DBT: variants seen among roughly 807,000 people sequenced by gnomAD.
DBT encodes the protein lipoamide acyltransferase component of branched-chain alpha-keto acid dehydrogenase complex, mitochondrial.
In DBT, 40 loss-of-function variants were observed where a neutral mutation model predicts 51.3. The ratio of observed to expected loss-of-function variants is 0.78; its 90% confidence interval spans 0.61 to 1.02. The LOEUF (loss-of-function observed/expected upper bound fraction) is 1.02. DBT is among the 50% of genes least tolerant of loss of function. The pLI, the probability that DBT is intolerant of heterozygous loss-of-function variation, is 0.00. For missense variants in DBT, 510 were observed against 580.2 expected (o/e 0.88, Z 1.24); for synonymous variants, 181 against 190.4 (o/e 0.95, Z 0.41).
At chr1:100,207,157 G>A (rs567748641) in intron 8 of DBT, among the ~76,000 whole-genome samples, 27 of 152,240 alleles carry the variant, frequency 1.8e-4, no homozygotes, top group African/African-American at 6.3e-4. Flanking sequence ...AATGTAACTG[G>A]TACAGGTTGA....
Position 100,235,471 on chromosome 1 carries a change from A to C in DBT, c.216T>G (p.Ile72Met), listed in dbSNP as rs778350040. 7 of 1,596,466 alleles carry C rather than the reference A, an allele frequency of 4.4e-6. No homozygotes were observed. Among genetic ancestry groups the C allele is most frequent in the Non-Finnish European group, 6.0e-6 (7 of 1,165,344 alleles). ...CAGTTACTTCTCTAATCCCTTCTCCAATGTCTGAGAGCTTGAACTGAACAA... is the reference window on the plus strand; with the variant it reads ...CAGTTACTTCTCTAATCCCTTCTCCCATGTCTGAGAGCTTGAACTGAACAA... The part of the protein sequence containing the change: ...GQVVQFKLSD[I>M]GEGIREVTVK... The change falls in exon 3 of 11, where the codon ATT (isoleucine) becomes ATG (methionine). Residue 72 changes from isoleucine to methionine, a missense_variant. By Grantham distance (10) the Ile-to-Met change is conservative. Transcript: ENST00000370132.
Position 100,206,527 on chromosome 1 carries a change from C to T in DBT, c.1127G>A (p.Arg376His), listed in dbSNP as rs150934375. The T allele has an allele frequency of 1.7e-5, 27 of 1,612,638 alleles. No homozygotes were observed. Among genetic ancestry groups the T allele is most frequent in the African/African-American group, 1.2e-4 (9 of 74,902 alleles). Residue 376 changes from arginine (R) to histidine (H), a missense_variant, in exon 9 of 11, where the codon CGC becomes CAC. Arg to His is a conservative substitution (Grantham distance 29). Transcript: ENST00000370132. Reference protein sequence around the residue: ...SIFDIATELNRLQKLGSVSQL... With the variant: ...SIFDIATELNHLQKLGSVSQL... ...ACTCACAGAGCCCAATTTCTGGAGG[C>T]GGTTCAGTTCAGTGGCGATGTCAAA...
At chr1:100,206,362 G>C in intron 9 of DBT, 61 bp from the exon 10 acceptor site, 3 of 1,559,586 alleles carry the variant, frequency 1.9e-6, no homozygotes, top group Non-Finnish European at 2.6e-6. Context: ...GGGAACAAAT[G>C]CCAAGTGACT....
At chr1:100,202,189 C>T (rs1346330638) in intron 10 of DBT, among the ~76,000 whole-genome samples, 1 of 151,236 alleles carries the variant, frequency 6.6e-6, no homozygotes, top group Non-Finnish European at 1.5e-5. Flanking sequence ...CACATAGGCT[C>T]AAAATACAGG....
chr1:100,193,895 C>T lies in DBT; in HGVS notation c.*2360G>A, dbSNP rs1450736160. ...GGATTACAGGCGTGAGCCACCACACCCAGCCTATGCAGCCATTTAAAGCAT... is the reference window on the plus strand; with the variant it reads ...GGATTACAGGCGTGAGCCACCACACTCAGCCTATGCAGCCATTTAAAGCAT... On this transcript the variant is annotated 3_prime_UTR_variant, in exon 11 of 11. Coordinates refer to ENST00000370132, the MANE Select transcript of DBT (RefSeq NM_001918.5). The T allele has an allele frequency of 2.6e-5, 4 of 152,150 alleles. No individual in the cohort carries two copies. The highest frequency in any genetic ancestry group is 5.9e-5 in the Non-Finnish European group (4 of 68,034). 9.4% of individuals were successfully genotyped at this position (152,150 alleles called of 1,614,324 possible).
intron 4 of DBT, among the ~76,000 whole-genome samples, chr1:100,229,917 C>A (rs763987985): frequency 4.6e-5 from 7 of 152,248 alleles, no homozygotes; most frequent in Non-Finnish European, 8.8e-5. Flanking sequence ...ACATCTATCA[C>A]TTGTAAGTCC....
rs545981514 is a variant in DBT, at chr1:100,249,656, T to C, written c.51+114A>G. Reference sequence around the variant, plus strand: ...TATTTTGCATGCATCCCTTCACCTCTCCATCACGCGTGCCCTGGACGCCTG... The same window carrying C: ...TATTTTGCATGCATCCCTTCACCTCCCCATCACGCGTGCCCTGGACGCCTG... On this transcript the variant is annotated intron_variant, in intron 1 of 10. Coordinates refer to ENST00000370132, the MANE Select transcript of DBT (RefSeq NM_001918.5). The C allele has an allele frequency of 1.5e-3, 1,553 of 1,006,798 alleles. 34 individuals carry two copies. The South Asian group carries it at 0.019, about 12-fold the overall frequency. The allele number at this position is 1,006,798 out of a possible 1,614,324, so 62.4% of individuals were successfully genotyped here.
chr1:100,230,581 A>T, intron 4 of DBT, 152 bp downstream of exon 4: 1 of 560,146 alleles, frequency 1.8e-6, no homozygotes, highest in South Asian at 2.5e-5. Flanking sequence ...ACCTTTTTTC[A>T]CGTTGAAAAG....
intron 3 of DBT, among the ~76,000 whole-genome samples, chr1:100,233,109 T>C (rs1374385460): frequency 6.6e-6 from 1 of 152,014 alleles, no homozygotes; most frequent in African/African-American, 2.4e-5. Flanking sequence ...GAAAAAGATA[T>C]GTCACACAAG....
At position 100,240,853 on chromosome 1, in the gene DBT, T is replaced by C; in HGVS notation, c.83A>G (p.Asn28Ser). 1.2e-6 allele frequency: 2 copies of C among 1,612,794 alleles called. No individual in the cohort carries two copies. Among genetic ancestry groups the C allele is most frequent in the Middle Eastern group, 1.7e-4 (1 of 6,038 alleles). ...ATAATTTGGCTTCAAAACATGAACATTACCACATGTTTGAAAATAGCGAAC... is the reference window on the plus strand; with the variant it reads ...ATAATTTGGCTTCAAAACATGAACACTACCACATGTTTGAAAATAGCGAAC... ...ICVRYFQTCGNVHVLKPNYVC... is the reference protein window; with the variant it reads ...ICVRYFQTCGSVHVLKPNYVC... The change falls in exon 2 of 11, where the codon AAT becomes AGT. Residue 28 changes from asparagine (N) to serine (S), a missense_variant. Physicochemically the swap from Asn to Ser is conservative, Grantham distance 46 (BLOSUM62 1). Coordinates refer to ENST00000370132, the MANE Select transcript of DBT (RefSeq NM_001918.5).
intron 4 of DBT, among the ~76,000 whole-genome samples, chr1:100,220,715 T>C (rs1244047823): frequency 6.6e-6 from 1 of 152,232 alleles, no homozygotes; most frequent in African/African-American, 2.4e-5. Context: ...ACTGAACAGA[T>C]TGGCTCAAGG....
rs549800969 is a variant in DBT at position 100,230,229 on chromosome 1, A to AT, written c.433+503dup. ...AGGTAAATGAAGTGTTACTGTACAC[A>AT]TTTTTAACATGGCAACTGGCCAAAA... On this transcript the variant is annotated intron_variant, in intron 4 of 10. Coordinates refer to ENST00000370132, the MANE Select transcript of DBT (RefSeq NM_001918.5). Among the ~76,000 whole-genome samples, 284 of 152,300 alleles carry AT rather than the reference A, an allele frequency of 1.9e-3. 1 individual carries two copies. The highest frequency in any genetic ancestry group is 6.8e-3 in the Middle Eastern group (2 of 294).
chr1:100,195,012 T>G lies in DBT; in HGVS notation c.*1243A>C, dbSNP rs1661010200. 6.6e-6 allele frequency: 1 copy of G among 152,250 alleles called. No homozygotes were observed. The highest frequency in any genetic ancestry group is 6.5e-5 in the Admixed American group (1 of 15,278). 9.4% of individuals were successfully genotyped at this position (152,250 alleles called of 1,614,324 possible). A position where few individuals can be genotyped will look rare whatever the true frequency, so the allele number is the denominator to read the frequency against. Reference sequence around the variant, plus strand: ...TAGACCTTTAACAAAATGATCATTATGAAACCTTCATTTCTATACAAAATT... The same window carrying G: ...TAGACCTTTAACAAAATGATCATTAGGAAACCTTCATTTCTATACAAAATT... On this transcript the variant is annotated 3_prime_UTR_variant, in exon 11 of 11. Coordinates refer to ENST00000370132, the MANE Select transcript of DBT (RefSeq NM_001918.5).
intron 4 of DBT, among the ~76,000 whole-genome samples, chr1:100,222,879 CCA>C (rs1051056642): frequency 6.6e-6 from 1 of 152,044 alleles, no homozygotes; most frequent in African/African-American, 2.4e-5. Flanking sequence ...AAAATAGGTG[CCA>C]CACAGCCTCA....
At chr1:100,249,340 A>G (rs1664772576) in intron 1 of DBT, 1 of 264,108 alleles carries the variant, frequency 3.8e-6, no homozygotes. Context: ...CTGATATTCT[A>G]TAACTTGAAC....
chr1:100,243,987 AGCAGGCCGGGCACAGTGGTTCATAGCTGT>A (rs1279323201), intron 1 of DBT, among the ~76,000 whole-genome samples: 1 of 150,250 alleles, frequency 6.7e-6, no homozygotes, highest in Non-Finnish European at 1.5e-5. Flanking sequence ...AAGGAGTTTA[AGCAGGCCGGGCACAGTGGTTCATAGCTGT>A]AATCTCATTG....
intron 1 of DBT, among the ~76,000 whole-genome samples, chr1:100,245,123 C>T (rs1664465943): frequency 6.6e-6 from 1 of 151,986 alleles, no homozygotes; most frequent in African/African-American, 2.4e-5. Flanking sequence ...TAGAAACAGA[C>T]TATTAGACTA....
Position 100,188,380 on chromosome 1 carries a change from C to T in DBT, c.*7875G>A, listed in dbSNP as rs1283897509. ...TGCTAGGTTTTTATAGCTGACTGCA[C>T]TCTTAGAACTTCTCTACAGACTTTA... On this transcript the variant is annotated 3_prime_UTR_variant, in exon 11 of 11. Transcript: ENST00000370132. 1 of 152,204 alleles carries T rather than the reference C, an allele frequency of 6.6e-6. No individual in the cohort carries two copies. Among genetic ancestry groups the T allele is most frequent in the Non-Finnish European group, 1.5e-5 (1 of 68,048 alleles). The allele number at this position is 152,204 out of a possible 1,614,324, so 9.4% of individuals were successfully genotyped here. A position where few individuals can be genotyped will look rare whatever the true frequency, so the allele number is the denominator to read the frequency against.
intron 3 of DBT, among the ~76,000 whole-genome samples, chr1:100,235,121 C>A (rs1165901740): frequency 6.6e-6 from 1 of 152,106 alleles, no homozygotes; most frequent in Non-Finnish European, 1.5e-5. Flanking sequence ...TAAACTGTAT[C>A]AGGTAATGGT....
Sources: gnomAD v4.1 joint callset for allele counts (sites outside exome capture counted in the v4.1 genomes callset) on GRCh38, gnomAD v4.1.1 for gene constraint, MANE v1.5 for transcripts, NCBI Gene and HGNC (gene_info 2026-07-23, HGNC 2026-07-21) for gene names.